Variants in DUT observed in about 807,000 individuals in gnomAD.
DUT encodes deoxyuridine triphosphatase.
DUT carries 21 observed loss-of-function variants against 28.8 expected under a neutral mutation model. The ratio of observed to expected loss-of-function variants is 0.73; its 90% CI spans 0.52 to 1.05. The LOEUF (loss-of-function observed/expected upper bound fraction) is 1.05. DUT is among the 50% of genes least tolerant of loss of function. The pLI, the probability that DUT is intolerant of heterozygous loss-of-function variation, is 0.00. For missense variants in DUT, 344 were observed against 351.8 expected (o/e 0.98, Z 0.18); for synonymous variants, 147 against 143.7 (o/e 1.02, Z -0.17).
At chr15:48,340,745 A>G (rs1356257688) in intron 4 of DUT, among the ~76,000 whole-genome samples, 1 of 152,192 alleles carries the variant, frequency 6.6e-6, no homozygotes. Flanking sequence ...TTAAAAGGAG[A>G]GGAAGATTAT....
At chr15:48,336,339 A>T (rs1476422811) in intron 4 of DUT, among the ~76,000 whole-genome samples, 1 of 152,204 alleles carries the variant, frequency 6.6e-6, no homozygotes, top group Non-Finnish European at 1.5e-5. Context: ...TTAAGTAATT[A>T]TTTAAGCAAC....
At position 48,331,707 on chromosome 15, in the gene DUT, C is replaced by T; in HGVS notation, c.192C>T (p.Ser64=). 1 of 1,511,586 alleles carries T rather than the reference C, an allele frequency of 6.6e-7. No individual in the cohort carries two copies. The highest frequency in any genetic ancestry group is 1.2e-5 in the South Asian group (1 of 80,216). 93.6% of individuals were successfully genotyped at this position (1,511,586 alleles called of 1,614,324 possible). The change falls in exon 1 of 7, where the codon AGC becomes AGT. Residue 64 remains serine, a synonymous_variant. Coordinates refer to ENST00000331200, the MANE Select transcript of DUT (RefSeq NM_001025248.2). ...PRPLSSAGRL[S]QGCRGASTVG... is the part of the protein sequence containing the mutation. ...CGCTGTCCAGCGCTGGCCGCCTGAG[C>T]CAAGGCTGCCGCGGAGCCAGTACAG...
At chr15:48,341,948 T>C in intron 6 of DUT, 74 bp from the exon 7 acceptor site, 1 of 1,129,296 alleles carries the variant, frequency 8.9e-7, no homozygotes, top group Non-Finnish European at 1.3e-6. Context: ...TGTATTTTTC[T>C]TAGGAGCTGG....
chr15:48,340,837 G>A lies in DUT; in HGVS notation c.557-452G>A, dbSNP rs373895290. Reference sequence around the variant, plus strand: ...AAGACTGCTGCTTAACAATGTCAGCGTTGATTTACTCCACTGCAGAGCTTT... The same window carrying A: ...AAGACTGCTGCTTAACAATGTCAGCATTGATTTACTCCACTGCAGAGCTTT... On this transcript the variant is annotated intron_variant, in intron 4 of 6. Coordinates refer to ENST00000331200, the MANE Select transcript of DUT (RefSeq NM_001025248.2). Among the ~76,000 whole-genome samples the A allele has an allele frequency of 3.8e-4, 58 of 152,232 alleles. No homozygotes were observed. In the South Asian group the frequency reaches 6.0e-3, roughly 16 times the overall value.
chr15:48,332,760 G>C (rs1169901499), intron 2 of DUT: 1 of 519,866 alleles, frequency 1.9e-6, no homozygotes, highest in East Asian at 5.1e-5. Flanking sequence ...ATGTGAGCGT[G>C]AAAATACCTA....
At chr15:48,341,228 T>A in intron 4 of DUT, 61 bp from the exon 5 acceptor site, 1 of 978,300 alleles carries the variant, frequency 1.0e-6, no homozygotes, top group Non-Finnish European at 1.5e-6. Context: ...TTTGAGATAA[T>A]CTTACACCTC....
In DUT at chr15:48,331,497, A is replaced by C; in HGVS notation, c.-19A>C. On this transcript the variant is annotated 5_prime_UTR_variant, in exon 1 of 7. Coordinates refer to ENST00000331200, the MANE Select transcript of DUT (RefSeq NM_001025248.2). ...GTCCGGAGGTGCCGAGGACCCAACC[A>C]GCCCAAACTCTGGGGGAAATGACTC... 2 of 1,611,236 alleles carry C rather than the reference A, an allele frequency of 1.2e-6. No homozygotes were observed. Among genetic ancestry groups the C allele is most frequent in the Non-Finnish European group, 1.7e-6 (2 of 1,179,244 alleles).
intron 1 of DUT, 110 bp downstream of exon 1, chr15:48,331,905 G>T (rs1433219476): frequency 6.6e-6 from 4 of 606,204 alleles, no homozygotes; most frequent in South Asian, 5.7e-5. Context: ...GGGGCGGGGG[G>T]GGTGGGGTGG....
At chr15:48,341,430 A>G (rs1424675175) in intron 5 of DUT, 67 bp downstream of exon 5, 2 of 1,536,572 alleles carry the variant, frequency 1.3e-6, no homozygotes, top group Admixed American at 3.4e-5. Context: ...GTAAATTAAT[A>G]TTGACTCCTT....
chr15:48,331,374 C>T (rs915390684), upstream of DUT: 198 of 1,469,060 alleles, frequency 1.3e-4, 1 homozygote, highest in Middle Eastern at 6.5e-4. Context: ...GCTGCCGGGG[C>T]ACCGCCTCTC....
Position 48,331,556 on chromosome 15 carries a change from TC to T in DUT, c.43del (p.Thr16ArgfsTer48). ...CCTCGCCCCGCGCTCTGCTACCATT[TC>T]CTTACGTCTCTGCTTCGCTCAGCGA... ...LCPRPALCYH[F>X]LTSLLRSAMQ... On this transcript the variant is annotated frameshift_variant, in exon 1 of 7. Transcript: ENST00000331200. LOFTEE classifies it high-confidence loss of function. The T allele has an allele frequency of 6.2e-7, 1 of 1,610,158 alleles. No individual in the cohort carries two copies. Among genetic ancestry groups the T allele is most frequent in the Non-Finnish European group, 8.5e-7 (1 of 1,178,810 alleles).
intron 1 of DUT, 139 bp from the exon 2 acceptor site, chr15:48,332,129 G>T (rs2042421079): frequency 7.1e-7 from 1 of 1,404,172 alleles, no homozygotes; most frequent in African/African-American, 1.5e-5. Flanking sequence ...TCGTCCCGGG[G>T]AGGGGCGGTG....
rs2042455023 is a variant in DUT, at chr15:48,334,596, A to G, written c.511+88A>G. The stretch of plus-strand genomic sequence containing the variant: ...TTTCATTTGGGGTAATAAGCAGGCA[A>G]TATTGCTTGGGCTGTGTCCTAAAAG... On this transcript the variant is annotated intron_variant, in intron 3 of 6. Transcript: ENST00000331200. 26 of 944,928 alleles carry G rather than the reference A, an allele frequency of 2.8e-5. No individual in the cohort carries two copies. In the East Asian group the frequency reaches 6.3e-4, roughly 23 times the overall value. The allele number at this position is 944,928 out of a possible 1,614,324, so 58.5% of individuals were successfully genotyped here. A position where few individuals can be genotyped will look rare whatever the true frequency, so the allele number is the denominator to read the frequency against.
intron 2 of DUT, among the ~76,000 whole-genome samples, chr15:48,333,306 T>C (rs1296033189): frequency 6.6e-6 from 1 of 152,158 alleles, no homozygotes; most frequent in Admixed American, 6.5e-5. Context: ...GTATGGACAA[T>C]TGTAGCTGGA....
At chr15:48,332,453 C>T (rs778286444) in intron 2 of DUT, 47 bp downstream of exon 2, 2 of 1,448,898 alleles carry the variant, frequency 1.4e-6, no homozygotes, top group African/African-American at 1.4e-5. Flanking sequence ...GCCGGCCGTC[C>T]GCTGCCACAG....
At chr15:48,331,186 C>T (rs1190340394), upstream of DUT, 4 of 1,519,378 alleles carry the variant, frequency 2.6e-6, no homozygotes, top group African/African-American at 2.8e-5. Context: ...GGCGGTGCCG[C>T]CCCAGGTAAA....
At position 48,331,531 on chromosome 15, in the gene DUT, CCT is replaced by C; in HGVS notation, c.18_19del (p.Arg7ProfsTer77). MTPLC[P>X]RPALCYHFLT... ...TCTGGGGGAAATGACTCCCCTCTGCCCTCGCCCCGCGCTCTGCTACCATTTCC... is the reference window on the plus strand; with the variant it reads ...TCTGGGGGAAATGACTCCCCTCTGCCCGCCCCGCGCTCTGCTACCATTTCC... On this transcript the variant is annotated frameshift_variant, in exon 1 of 7. Transcript: ENST00000331200. LOFTEE classifies it high-confidence loss of function. The C allele has an allele frequency of 6.2e-7, 1 of 1,611,772 alleles. No homozygotes were observed. Among genetic ancestry groups the C allele is most frequent in the Non-Finnish European group, 8.5e-7 (1 of 1,179,472 alleles).
Position 48,342,926 on chromosome 15 carries a change from G to A in DUT, c.*848G>A, listed in dbSNP as rs2042556647. The stretch of plus-strand genomic sequence containing the variant: ...AGGTTTTTCTGTCTCACATACATAA[G>A]CAGCATTTCATTGCAGATATGGGAC... On this transcript the variant is annotated 3_prime_UTR_variant, in exon 7 of 7. Coordinates refer to ENST00000331200, the MANE Select transcript of DUT (RefSeq NM_001025248.2). The A allele has an allele frequency of 6.6e-6, 1 of 152,218 alleles. No individual in the cohort carries two copies. Among genetic ancestry groups the A allele is most frequent in the Admixed American group, 6.5e-5 (1 of 15,290 alleles). The allele number at this position is 152,218 out of a possible 1,614,324, so 9.4% of individuals were successfully genotyped here.
upstream of DUT, chr15:48,331,417 T>C: frequency 6.5e-7 from 1 of 1,537,486 alleles, no homozygotes; most frequent in Non-Finnish European, 8.7e-7. Context: ...CTGCGACTGC[T>C]TCCGAGGTCA....
Sources: gnomAD v4.1 joint callset for allele counts (sites outside exome capture counted in the v4.1 genomes callset) on GRCh38, gnomAD v4.1.1 for gene constraint, MANE v1.5 for transcripts, NCBI Gene and HGNC (gene_info 2026-07-23, HGNC 2026-07-21) for gene names.